The following TMEM132D variants were observed in gnomAD, a reference collection of about 807,000 sequenced individuals.
TMEM132D encodes the protein transmembrane protein 132D.
In TMEM132D, 21 loss-of-function variants were observed where a neutral mutation model predicts 62.3. The observed-to-expected ratio is 0.34, with a 90% confidence interval of 0.24 to 0.49. The LOEUF (loss-of-function observed/expected upper bound fraction) is 0.49. Among genes scored for constraint, TMEM132D ranks in the 20% least tolerant of loss-of-function variants. The pLI is 0.99. For synonymous variants in TMEM132D, 621 were observed against 575.6 expected (o/e 1.08, Z -1.13); for missense variants, 1,346 against 1,402.8 (o/e 0.96, Z 0.65).
At chr12:129,341,735 T>C (rs1222304281) in intron 3 of TMEM132D, among the ~76,000 whole-genome samples, 1 of 152,124 alleles carries the variant, frequency 6.6e-6, no homozygotes, top group Non-Finnish European at 1.5e-5. Flanking sequence ...ATGGGCAGGA[T>C]ACAAAATCAA....
At chr12:129,662,501 A>T (rs780861153) in intron 2 of TMEM132D, among the ~76,000 whole-genome samples, 2 of 152,200 alleles carry the variant, frequency 1.3e-5, no homozygotes, top group Non-Finnish European at 2.9e-5. Flanking sequence ...GCAGGTAGAA[A>T]TACGAGTTAT....
chr12:129,708,089 C>T (rs747257489), intron 1 of TMEM132D, among the ~76,000 whole-genome samples: 2 of 152,004 alleles, frequency 1.3e-5, no homozygotes, highest in African/African-American at 4.8e-5. Flanking sequence ...TGGTGGCATG[C>T]ACCTGTAATC....
chr12:129,648,287 G>A (rs1879837004), intron 2 of TMEM132D, among the ~76,000 whole-genome samples: 1 of 152,086 alleles, frequency 6.6e-6, no homozygotes, highest in South Asian at 2.1e-4. Context: ...AGCTGATTCA[G>A]TGCAGGAGGA....
intron 4 of TMEM132D, among the ~76,000 whole-genome samples, chr12:129,267,915 C>G (rs1371532629): frequency 6.6e-6 from 1 of 152,096 alleles, no homozygotes; most frequent in Non-Finnish European, 1.5e-5. Flanking sequence ...AAGAACCTGA[C>G]AAAAACAAGC....
intron 1 of TMEM132D, among the ~76,000 whole-genome samples, chr12:129,872,918 A>C (rs1428888054): frequency 6.6e-6 from 1 of 152,230 alleles, no homozygotes; most frequent in African/African-American, 2.4e-5. Context: ...AGATGAAGAA[A>C]GAGAAGCCTA....
chr12:129,831,640 T>C (rs1348720557), intron 1 of TMEM132D, among the ~76,000 whole-genome samples: 2 of 152,196 alleles, frequency 1.3e-5, no homozygotes, highest in African/African-American at 2.4e-5. Context: ...TACGCAGTTA[T>C]AACAATGATT....
At chr12:129,370,871 G>A (rs1870575038) in intron 3 of TMEM132D, among the ~76,000 whole-genome samples, 1 of 152,114 alleles carries the variant, frequency 6.6e-6, no homozygotes, top group Admixed American at 6.6e-5. Context: ...ACATGGGGCT[G>A]GAAAGGGAAG....
chr12:129,547,297 G>C (rs567471122), intron 2 of TMEM132D, among the ~76,000 whole-genome samples: 84 of 152,268 alleles, frequency 5.5e-4, no homozygotes, highest in African/African-American at 2.0e-3. Context: ...GGAGTGAATT[G>C]GTTCAATCAT....
chr12:129,713,056 A>T (rs529811539), intron 1 of TMEM132D, among the ~76,000 whole-genome samples: 1 of 152,244 alleles, frequency 6.6e-6, no homozygotes, highest in South Asian at 2.1e-4. Context: ...TTTAAGACAG[A>T]GTCCTATTTT....
At chr12:129,585,803 A>T (rs1017427864) in intron 2 of TMEM132D, among the ~76,000 whole-genome samples, 1 of 144,332 alleles carries the variant, frequency 6.9e-6, no homozygotes. Flanking sequence ...AATACCAATG[A>T]GATATGCATG....
At chr12:129,098,490 C>A (rs1372582999) in intron 5 of TMEM132D, among the ~76,000 whole-genome samples, 1 of 152,144 alleles carries the variant, frequency 6.6e-6, no homozygotes, top group Non-Finnish European at 1.5e-5. Context: ...TTTCTAGGGT[C>A]TCTACCAAGA....
At chr12:129,192,741 C>A (rs1262686790) in intron 5 of TMEM132D, among the ~76,000 whole-genome samples, 7 of 152,132 alleles carry the variant, frequency 4.6e-5, no homozygotes, top group African/African-American at 1.7e-4. Context: ...TGAATTACAG[C>A]GGGTGTGTTG....
intron 2 of TMEM132D, among the ~76,000 whole-genome samples, chr12:129,575,508 ACCG>A (rs1877636012): frequency 6.6e-6 from 1 of 151,898 alleles, no homozygotes; most frequent in Middle Eastern, 3.2e-3. Context: ...AGGTAAACAA[ACCG>A]GGTATCAAAG....
chr12:129,152,516 G>A (rs1037930978), intron 5 of TMEM132D, among the ~76,000 whole-genome samples: 2 of 152,108 alleles, frequency 1.3e-5, no homozygotes, highest in Non-Finnish European at 2.9e-5. Context: ...ACATGAGCCT[G>A]GGCTCCTGTC....
intron 5 of TMEM132D, among the ~76,000 whole-genome samples, chr12:129,181,128 C>G (rs1425344654): frequency 6.6e-6 from 1 of 152,082 alleles, no homozygotes; most frequent in Non-Finnish European, 1.5e-5. Context: ...GCACCTCATA[C>G]TCAATTCAAA....
At chr12:129,415,698 A>C (rs1353135983) in intron 3 of TMEM132D, among the ~76,000 whole-genome samples, 1 of 152,150 alleles carries the variant, frequency 6.6e-6, no homozygotes, top group African/African-American at 2.4e-5. Flanking sequence ...CTCTGCAATG[A>C]TGTTGTCTAT....
chr12:129,531,011 C>T (rs1876202498), intron 3 of TMEM132D, 48 bp downstream of exon 3: 1 of 1,362,506 alleles, frequency 7.3e-7, no homozygotes, highest in Non-Finnish European at 9.8e-7. Context: ...AAAAATCAGG[C>T]CACATTTGCA....
intron 3 of TMEM132D, among the ~76,000 whole-genome samples, chr12:129,399,317 A>G (rs1201098075): frequency 2.1e-5 from 1 of 46,668 alleles, no homozygotes; most frequent in African/African-American, 1.0e-4. Context: ...TAGCTAACCC[A>G]TTCCCACAAC....
intron 8 of TMEM132D, 123 bp downstream of exon 8, chr12:129,078,411 G>T: frequency 1.0e-6 from 1 of 983,254 alleles, no homozygotes; most frequent in Non-Finnish European, 1.5e-6. Flanking sequence ...TGCAGATGGA[G>T]AAACAAACGC....
Sources: allele counts gnomAD v4.1 joint callset (sites outside exome capture counted in the v4.1 genomes callset), GRCh38; gene constraint gnomAD v4.1.1; transcripts MANE v1.5; gene names NCBI Gene and HGNC (gene_info 2026-07-23, HGNC 2026-07-21).